FAM120C: variants seen among roughly 807,000 people sequenced by gnomAD.
The protein encoded by FAM120C is family with sequence similarity 120 member C, also known as constitutive coactivator of PPAR-gamma-like protein 2.
In FAM120C, 14 loss-of-function variants were observed where a neutral mutation model predicts 71.2. The ratio of observed to expected loss-of-function variants is 0.20; its 90% CI spans 0.13 to 0.31. FAM120C has a LOEUF of 0.31. FAM120C is among the 10% of genes least tolerant of loss of function. FAM120C has a pLI of 1.00. For missense variants in FAM120C, 500 were observed against 879.0 expected, an observed-to-expected ratio of 0.57 and a Z score of 5.45; for synonymous variants, 354 against 353.2, an observed-to-expected ratio of 1.00 and a Z score of -0.03.
intron 15 of FAM120C, among the ~76,000 whole-genome samples, chrX:54,075,421 T>A (rs2066729844): frequency 9.0e-6 from 1 of 111,651 alleles, no homozygotes. Flanking sequence ...ATGAAACAAG[T>A]AACAGCCATA....
chrX:54,151,650 A>T (rs1312977209), intron 3 of FAM120C, among the ~76,000 whole-genome samples: 1 of 111,774 alleles, frequency 8.9e-6, no homozygotes, highest in Non-Finnish European at 1.9e-5. Context: ...CTTTCATGAG[A>T]CATTTTGGCT....
At chrX:54,134,808 T>C in intron 7 of FAM120C, 23 bp downstream of exon 7, 1 of 1,188,066 alleles carries the variant, frequency 8.4e-7, no homozygotes, top group Non-Finnish European at 1.1e-6. Context: ...TCTACTTCCT[T>C]AGGTGTCTAC....
chrX:54,173,003 T>C (rs1251923047), intron 1 of FAM120C, among the ~76,000 whole-genome samples: 5 of 112,577 alleles, frequency 4.4e-5, no homozygotes, highest in African/African-American at 1.3e-4. Flanking sequence ...ATGTTTGACA[T>C]CCTGAACAAA....
rs2067085683 is a variant in FAM120C at position 54,134,796 on chromosome X, A to AATCTACTT, written c.1616+27_1616+34dup. On this transcript the variant is annotated intron_variant, in intron 7 of 15. Transcript: ENST00000375180. The stretch of plus-strand genomic sequence containing the variant: ...AGCAAAATAATACAGATGCCTCAGA[A>AATCTACTT]ATCTACTTCCTTAGGTGTCTACAGA... 3 of 1,167,312 alleles carry AATCTACTT rather than the reference A, an allele frequency of 2.6e-6. No individual in the cohort carries two copies. The South Asian group carries it at 6.1e-5, about 24-fold the overall frequency.
intron 10 of FAM120C, among the ~76,000 whole-genome samples, chrX:54,112,983 G>T (rs1007917992): frequency 1.8e-5 from 2 of 110,903 alleles, no homozygotes; most frequent in African/African-American, 6.5e-5. Flanking sequence ...TCACGCCATT[G>T]CACTCCAGCC....
chrX:54,170,094 C>G (rs1238900406), intron 1 of FAM120C, among the ~76,000 whole-genome samples: 1 of 111,554 alleles, frequency 9.0e-6, no homozygotes, highest in African/African-American at 3.3e-5. Flanking sequence ...TCAGTACACA[C>G]TATTAAGGTA....
chrX:54,094,321 A>AC (rs2066839382), intron 10 of FAM120C, among the ~76,000 whole-genome samples: 1 of 105,533 alleles, frequency 9.5e-6, no homozygotes, highest in Admixed American at 1.0e-4. Flanking sequence ...ATGGTCTCGA[A>AC]CTCCTGACCT....
intron 15 of FAM120C, among the ~76,000 whole-genome samples, chrX:54,075,839 G>T (rs1475897892): frequency 9.1e-6 from 1 of 109,450 alleles, no homozygotes. Context: ...GCCTGGCCGG[G>T]TGTGGTAGCT....
intron 1 of FAM120C, among the ~76,000 whole-genome samples, chrX:54,168,469 T>C (rs1557135506): frequency 8.9e-6 from 1 of 112,282 alleles, no homozygotes; most frequent in Non-Finnish European, 1.9e-5. Context: ...CCTGAGCTCA[T>C]AGTCACCATT....
intron 14 of FAM120C, 49 bp downstream of exon 14, chrX:54,081,273 G>A (rs782699403): frequency 8.7e-7 from 1 of 1,151,627 alleles, no homozygotes; most frequent in East Asian, 3.1e-5. Context: ...AGGAGGCCTA[G>A]GCATTTTCCC....
In FAM120C at chrX:54,118,396, T is replaced by C. The variant is rs1033662335; in HGVS notation, c.2063-1602A>G. 1.1e-3 allele frequency among the ~76,000 whole-genome samples: 120 copies of C among 110,881 alleles called. 1 individual carries two copies. The highest frequency in any genetic ancestry group is 3.8e-3 in the African/African-American group (116 of 30,569). On this transcript the variant is annotated intron_variant, in intron 9 of 15. Transcript: ENST00000375180. Reference sequence around the variant, plus strand: ...GAAGCATATCTGGGTTGCTTCCAGTTTGGGGTCATAATGCTGTCTTGTGAA... The same window carrying C: ...GAAGCATATCTGGGTTGCTTCCAGTCTGGGGTCATAATGCTGTCTTGTGAA...
chrX:54,101,366 G>A (rs2066881330), intron 10 of FAM120C, among the ~76,000 whole-genome samples: 1 of 111,599 alleles, frequency 9.0e-6, no homozygotes, highest in South Asian at 3.8e-4. Context: ...AAAGGGAGGG[G>A]CTGCCTCAAA....
intron 1 of FAM120C, among the ~76,000 whole-genome samples, chrX:54,176,868 T>C (rs1360321033): frequency 1.8e-5 from 2 of 111,155 alleles, no homozygotes; most frequent in Non-Finnish European, 3.8e-5. Context: ...AATTATGCGA[T>C]ATGAAAATAC....
At chrX:54,118,699 C>CTTTTTTTTTTT (rs1187381929) in intron 9 of FAM120C, among the ~76,000 whole-genome samples, 24 of 31,726 alleles carry the variant, frequency 7.6e-4, no homozygotes, top group Non-Finnish European at 9.3e-4. Context: ...TTCTTTTTTT[C>CTTTTTTTTTTT]TTTTTTTTTT....
chrX:54,074,576 G>A (rs2066726096), intron 15 of FAM120C, among the ~76,000 whole-genome samples: 1 of 112,149 alleles, frequency 8.9e-6, no homozygotes, highest in African/African-American at 3.2e-5. Context: ...GTGCCACCAT[G>A]CCCGGCTAAT....
Position 54,080,221 on chromosome X carries a change from A to C in FAM120C, c.3036+11T>G. On this transcript the variant is annotated intron_variant, in intron 15 of 15. Coordinates refer to ENST00000375180, the MANE Select transcript of FAM120C (RefSeq NM_017848.6). ...AAACAGAAGCTAAATAATCTCAAAA[A>C]AAATACTTACTTGCTTATTTCCTTT... 8.3e-7 allele frequency: 1 copy of C among 1,200,670 alleles called. No homozygotes were observed. Among genetic ancestry groups the C allele is most frequent in the Non-Finnish European group, 1.1e-6 (1 of 885,886 alleles).
At chrX:54,105,351 T>C (rs1188456967) in intron 10 of FAM120C, among the ~76,000 whole-genome samples, 4 of 111,609 alleles carry the variant, frequency 3.6e-5, no homozygotes, top group African/African-American at 1.3e-4. Context: ...TTCAACAAAA[T>C]TCAACAGCCC....
Position 54,135,122 on chromosome X carries a change from A to G in FAM120C, c.1336-11T>C. ...CACTTGATGAGAAAACTAAACGATAAAACAGACAGAAAAGCTATTTAACAT... is the reference window on the plus strand; with the variant it reads ...CACTTGATGAGAAAACTAAACGATAGAACAGACAGAAAAGCTATTTAACAT... On this transcript the variant is annotated splice_polypyrimidine_tract_variant and intron_variant, in intron 6 of 15. Coordinates refer to ENST00000375180, the MANE Select transcript of FAM120C (RefSeq NM_017848.6). 8.5e-7 allele frequency: 1 copy of G among 1,174,160 alleles called. No homozygotes were observed.
chrX:54,105,777 G>T lies in FAM120C; in HGVS notation c.2312+10768C>A, dbSNP rs1244706159. On this transcript the variant is annotated intron_variant, in intron 10 of 15. Transcript: ENST00000375180. ...CCTATACACCAATAACAGACAAACA[G>T]AGCCAAATCATGAGTGAACTCCCAT... Among the ~76,000 whole-genome samples the T allele has an allele frequency of 1.8e-4, 20 of 111,432 alleles. No homozygotes were observed. In the Admixed American group the frequency reaches 1.8e-3, roughly 10 times the overall value.
Sources: gnomAD v4.1 joint callset for allele counts (sites outside exome capture counted in the v4.1 genomes callset) on GRCh38, gnomAD v4.1.1 for gene constraint, MANE v1.5 for transcripts, NCBI Gene and HGNC (gene_info 2026-07-23, HGNC 2026-07-21) for gene names.